The following TCERG1L variants were observed in gnomAD, a reference collection of about 807,000 sequenced individuals.
TCERG1L encodes transcription elongation regulator 1 like.
A neutral mutation model predicts 56.3 loss-of-function variants in TCERG1L; 37 were observed. The observed-to-expected ratio is 0.66, with a 90% CI of 0.51 to 0.87. The LOEUF is 0.87. Ranked by LOEUF, TCERG1L falls within the 40% of genes least tolerant of loss-of-function variation. The pLI, the probability that TCERG1L is intolerant of heterozygous loss-of-function variation, is 0.00. For synonymous variants in TCERG1L, 324 were observed against 326.3 expected, an observed-to-expected ratio of 0.99 and a Z score of 0.08; for missense variants, 799 against 774.2, an observed-to-expected ratio of 1.03 and a Z score of -0.38.
chr10:131,261,451 T>C (rs1041249172), intron 3 of TCERG1L, among the ~76,000 whole-genome samples: 1 of 152,148 alleles, frequency 6.6e-6, no homozygotes, highest in African/African-American at 2.4e-5. Context: ...GAGCTAGAAA[T>C]ATCAGCAAAA....
At chr10:131,306,724 T>C (rs1846821939) in intron 3 of TCERG1L, among the ~76,000 whole-genome samples, 1 of 152,114 alleles carries the variant, frequency 6.6e-6, no homozygotes, top group South Asian at 2.1e-4. Flanking sequence ...GTAAAATCAA[T>C]ACAAATATGT....
At chr10:131,236,121 A>G (rs1311412770) in intron 4 of TCERG1L, among the ~76,000 whole-genome samples, 4 of 152,162 alleles carry the variant, frequency 2.6e-5, no homozygotes, top group Non-Finnish European at 5.9e-5. Context: ...TTGCACTCCC[A>G]TCTCCAAAGA....
At chr10:131,172,445 T>C (rs1316042736) in intron 4 of TCERG1L, among the ~76,000 whole-genome samples, 4 of 152,220 alleles carry the variant, frequency 2.6e-5, no homozygotes, top group South Asian at 2.1e-4. Context: ...AGGCAGGAAA[T>C]CTCTTAGGCT....
chr10:131,116,878 G>A lies in TCERG1L; in HGVS notation c.1316C>T (p.Thr439Ile). The change falls in exon 9 of 12, where the codon ACA becomes ATA. Residue 439 changes from threonine (T) to isoleucine (I), a missense_variant. Physicochemically the swap from Thr to Ile is moderately conservative, Grantham distance 89 (BLOSUM62 -1). Transcript: ENST00000368642. Reference sequence around the variant, plus strand: ...GAGGATCTGCGGGGGCGGCGTCCTTGTGCCTTTGTCCTCTCTCTTTGCCTC... The same window carrying A: ...GAGGATCTGCGGGGGCGGCGTCCTTATGCCTTTGTCCTCTCTCTTTGCCTC... ...PEEAKREDKG[T>I]RTPPPQILLP... 2 of 1,600,348 alleles carry A rather than the reference G, an allele frequency of 1.2e-6. No individual in the cohort carries two copies. Among genetic ancestry groups the A allele is most frequent in the Non-Finnish European group, 1.7e-6 (2 of 1,174,016 alleles).
intron 3 of TCERG1L, among the ~76,000 whole-genome samples, chr10:131,268,741 C>T (rs1468143640): frequency 6.6e-6 from 1 of 152,222 alleles, no homozygotes; most frequent in African/African-American, 2.4e-5. Context: ...TGTCCTTAAA[C>T]CTCATGCATC....
Position 131,308,471 on chromosome 10 carries a change from T to C in TCERG1L, c.490-80A>G. The C allele has an allele frequency of 2.6e-6, 3 of 1,172,930 alleles. No homozygotes were observed. In the South Asian group the frequency reaches 4.3e-5, roughly 17 times the overall value. The allele number at this position is 1,172,930 out of a possible 1,614,324, so 72.7% of individuals were successfully genotyped here. On this transcript the variant is annotated intron_variant, in intron 2 of 11. Coordinates refer to ENST00000368642, the MANE Select transcript of TCERG1L (RefSeq NM_174937.4). ...GAGCATGACCATGAAAATATTTGTG[T>C]TGCCTTACGTTGATCCAACATTGAA... is the stretch of plus-strand genomic sequence containing the variant.
chr10:131,238,394 G>A (rs969454777), intron 4 of TCERG1L, among the ~76,000 whole-genome samples: 10 of 152,186 alleles, frequency 6.6e-5, no homozygotes, highest in Non-Finnish European at 1.3e-4. Context: ...CACGCAGGGC[G>A]GGGGTCTCCC....
chr10:131,235,079 C>A (rs1408474280), intron 4 of TCERG1L, among the ~76,000 whole-genome samples: 1 of 152,110 alleles, frequency 6.6e-6, no homozygotes, highest in South Asian at 2.1e-4. Flanking sequence ...CAAACAGCAC[C>A]GCAGGGCCCA....
intron 4 of TCERG1L, among the ~76,000 whole-genome samples, chr10:131,249,768 G>A (rs1423914172): frequency 1.3e-5 from 2 of 152,228 alleles, no homozygotes; most frequent in East Asian, 3.9e-4. Context: ...GCTGGCTCAC[G>A]CATTACTGGC....
intron 8 of TCERG1L, among the ~76,000 whole-genome samples, chr10:131,129,312 C>T (rs962215271): frequency 2.6e-5 from 4 of 152,068 alleles, no homozygotes; most frequent in African/African-American, 9.7e-5. Flanking sequence ...TGTTACCATG[C>T]TTATATTTTA....
intron 3 of TCERG1L, among the ~76,000 whole-genome samples, chr10:131,261,168 C>T (rs1006694328): frequency 3.3e-5 from 5 of 152,198 alleles, no homozygotes; most frequent in South Asian, 2.1e-4. Context: ...CATCAATGGA[C>T]GCATCTGAAA....
At position 131,311,258 on chromosome 10, in the gene TCERG1L, G is replaced by C. The variant is rs898723103; in HGVS notation, c.342+36C>G. ...GGGCGCGCCCAGGAGCAGGGGAGAC[G>C]GCGACCCGGGCCGAGGCGGGACGGG... On this transcript the variant is annotated intron_variant, in intron 1 of 11. Coordinates refer to ENST00000368642, the MANE Select transcript of TCERG1L (RefSeq NM_174937.4). The surrounding 1 kb of genome is among the most constrained non-coding windows in gnomAD (Gnocchi z 4.0). 4 of 1,197,162 alleles carry C rather than the reference G, an allele frequency of 3.3e-6. No individual in the cohort carries two copies. The African/African-American group carries it at 4.8e-5, about 14-fold the overall frequency. The allele number at this position is 1,197,162 out of a possible 1,614,324, so 74.2% of individuals were successfully genotyped here.
At chr10:131,269,508 T>C (rs1846317425) in intron 3 of TCERG1L, among the ~76,000 whole-genome samples, 1 of 152,138 alleles carries the variant, frequency 6.6e-6, no homozygotes, top group African/African-American at 2.4e-5. Context: ...AATTTCAATA[T>C]TGCTATGTCT....
intron 3 of TCERG1L, among the ~76,000 whole-genome samples, chr10:131,273,609 G>A (rs1247046276): frequency 6.6e-6 from 1 of 152,244 alleles, no homozygotes; most frequent in African/African-American, 2.4e-5. Context: ...CCCCTGGGCT[G>A]ACCGAGGCTC....
At chr10:131,296,551 C>G (rs1214967088) in intron 3 of TCERG1L, among the ~76,000 whole-genome samples, 2 of 152,112 alleles carry the variant, frequency 1.3e-5, no homozygotes, top group African/African-American at 4.8e-5. Flanking sequence ...TTTAGATCAG[C>G]TATGCCTGTG....
intron 9 of TCERG1L, among the ~76,000 whole-genome samples, chr10:131,110,295 C>T (rs887436162): frequency 5.9e-5 from 9 of 152,198 alleles, no homozygotes; most frequent in Non-Finnish European, 2.9e-5. Context: ...TCCTAACCAC[C>T]CTCCTCCCTG....
intron 7 of TCERG1L, among the ~76,000 whole-genome samples, chr10:131,140,309 C>G (rs1267834414): frequency 6.6e-6 from 1 of 152,220 alleles, no homozygotes; most frequent in Non-Finnish European, 1.5e-5. Flanking sequence ...AGGAGCTCAG[C>G]CCCACAGGAC....
At chr10:131,213,564 C>T (rs761601937) in intron 4 of TCERG1L, among the ~76,000 whole-genome samples, 6 of 152,334 alleles carry the variant, frequency 3.9e-5, no homozygotes, top group Admixed American at 1.3e-4. Flanking sequence ...GGCCCGGCTG[C>T]GCCTCAGTGT....
chr10:131,143,513 G>C (rs1162178362), intron 7 of TCERG1L, among the ~76,000 whole-genome samples: 1 of 152,182 alleles, frequency 6.6e-6, no homozygotes, highest in Non-Finnish European at 1.5e-5. Flanking sequence ...GAAGTGACAG[G>C]TGGCCCCCGT....
Sources: gnomAD v4.1 joint callset for allele counts (sites outside exome capture counted in the v4.1 genomes callset) on GRCh38, gnomAD v4.1.1 for gene constraint, Gnocchi (gnomAD v3.1) non-coding constraint, MANE v1.5 for transcripts, NCBI Gene and HGNC (gene_info 2026-07-23, HGNC 2026-07-21) for gene names.